The following UGT1A7 variants were observed in gnomAD, a reference collection of about 807,000 sequenced individuals.
The protein encoded by UGT1A7 is UDP glucuronosyltransferase family 1 member A7, also known as UDP-glucuronosyltransferase 1A7.
A neutral mutation model predicts 45.6 loss-of-function variants in UGT1A7; 33 were observed. That is an observed-to-expected ratio of 0.72 (90% CI 0.55 to 0.97). The LOEUF (loss-of-function observed/expected upper bound fraction) is 0.97, where lower values mean the gene tolerates loss of function less well. Ranked by LOEUF, UGT1A7 falls within the 50% of genes least tolerant of loss-of-function variation. UGT1A7 has a pLI of 0.00. For missense variants in UGT1A7, 684 were observed against 666.2 expected (o/e 1.03, Z -0.29); for synonymous variants, 274 against 250.6 (o/e 1.09, Z -0.88).
intron 1 of UGT1A7, chr2:233,713,366 T>C (rs2076312897): frequency 1.2e-6 from 2 of 1,614,198 alleles, no homozygotes; most frequent in Non-Finnish European, 1.7e-6. Flanking sequence ...TGATCATACA[T>C]AGGTCTTGTG....
At chr2:233,759,467 C>T (rs1000519909) in intron 1 of UGT1A7, among the ~76,000 whole-genome samples, 1 of 152,186 alleles carries the variant, frequency 6.6e-6, no homozygotes, top group Non-Finnish European at 1.5e-5. Flanking sequence ...CACTCAAGAT[C>T]TATCTTACAG....
In UGT1A7 at chr2:233,719,747, A is replaced by G. The variant is rs146266651; in HGVS notation, c.855+36955A>G. 35 of 1,612,826 alleles carry G rather than the reference A, an allele frequency of 2.2e-5. No homozygotes were observed. The East Asian group carries it at 7.4e-4, about 34-fold the overall frequency. ...AGGCAAAACACTTTTTAAAAAATGT[A>G]TTTACTTACAAGTGCTTCCATATCT... On this transcript the variant is annotated intron_variant, in intron 1 of 4. Transcript: ENST00000373426.
intron 1 of UGT1A7, among the ~76,000 whole-genome samples, chr2:233,747,054 T>C (rs1171712187): frequency 6.6e-6 from 1 of 151,960 alleles, no homozygotes; most frequent in Non-Finnish European, 1.5e-5. Flanking sequence ...AAGACAATGA[T>C]TGGTTAATCG....
chr2:233,743,663 T>C, intron 1 of UGT1A7: 1 of 1,366,972 alleles, frequency 7.3e-7, no homozygotes, highest in Non-Finnish European at 9.8e-7. Flanking sequence ...CTCGAAGGGG[T>C]CCTCGAAGGG....
chr2:233,748,596 G>C (rs905519077), intron 1 of UGT1A7, among the ~76,000 whole-genome samples: 5 of 151,812 alleles, frequency 3.3e-5, no homozygotes, highest in African/African-American at 1.2e-4. Flanking sequence ...CAGTTCAGTG[G>C]AAGTAGAGCA....
Position 233,772,517 on chromosome 2 carries a change from A to C in UGT1A7, c.1551A>C (p.Lys517Asn). Residue 517 changes from lysine to asparagine, a missense_variant, in exon 5 of 5, where the codon AAA (lysine) becomes AAC (asparagine). Coordinates refer to ENST00000373426, the MANE Select transcript of UGT1A7 (RefSeq NM_019077.3). Reference protein sequence around the residue: ...CAYGYRKCLGKKGRVKKAHKS... With the variant: ...CAYGYRKCLGNKGRVKKAHKS... ...ATGGCTACCGGAAATGCTTGGGGAA[A>C]AAAGGGCGAGTTAAGAAAGCCCACA... The C allele has an allele frequency of 6.2e-7, 1 of 1,614,222 alleles. No individual in the cohort carries two copies.
At chr2:233,719,030 A>G (rs1559364102) in intron 1 of UGT1A7, 1 of 1,614,246 alleles carries the variant, frequency 6.2e-7, no homozygotes, top group Non-Finnish European at 8.5e-7. Flanking sequence ...TGCACATCAA[A>G]GAAGAGAAAT....
At chr2:233,718,748 A>G in intron 1 of UGT1A7, 1 of 1,612,266 alleles carries the variant, frequency 6.2e-7, no homozygotes, top group South Asian at 1.1e-5. Context: ...TGACAAGGTA[A>G]TTAAGGCGAA....
At chr2:233,766,435 T>C (rs913964749) in intron 1 of UGT1A7, among the ~76,000 whole-genome samples, 5 of 152,184 alleles carry the variant, frequency 3.3e-5, no homozygotes, top group African/African-American at 1.2e-4. Flanking sequence ...TCCAGCTACC[T>C]GTGTGTCTGC....
chr2:233,702,050 A>G (rs1303432202), intron 1 of UGT1A7, among the ~76,000 whole-genome samples: 1 of 152,210 alleles, frequency 6.6e-6, no homozygotes, highest in Admixed American at 6.5e-5. Context: ...AAAATTAACA[A>G]TTCACTAATT....
intron 1 of UGT1A7, among the ~76,000 whole-genome samples, chr2:233,712,367 C>CT (rs998199690): frequency 1.4e-4 from 22 of 152,290 alleles, no homozygotes; most frequent in African/African-American, 4.1e-4. Flanking sequence ...CTCCCTGCAG[C>CT]TTTTTTTATA....
intron 1 of UGT1A7, among the ~76,000 whole-genome samples, chr2:233,731,855 G>T (rs1025455629): frequency 1.3e-5 from 2 of 152,138 alleles, no homozygotes; most frequent in African/African-American, 4.8e-5. Flanking sequence ...TTGAGGAATC[G>T]CCACACTGTC....
chr2:233,761,146 T>C lies in UGT1A7; in HGVS notation c.856-5888T>C, dbSNP rs1337384419. On this transcript the variant is annotated intron_variant, in intron 1 of 4. Coordinates refer to ENST00000373426, the MANE Select transcript of UGT1A7 (RefSeq NM_019077.3). ...CAACTGCCTTCACCAAAATCCACTATCCCAGGTGTGTATTGGAGTGGGACT... is the reference window on the plus strand; with the variant it reads ...CAACTGCCTTCACCAAAATCCACTACCCCAGGTGTGTATTGGAGTGGGACT... 8.1e-6 allele frequency: 13 copies of C among 1,614,114 alleles called. No individual in the cohort carries two copies. The highest frequency in any genetic ancestry group is 4.0e-5 in the African/African-American group (3 of 74,946).
At position 233,772,364 on chromosome 2, in the gene UGT1A7, G is replaced by A. The variant is rs2126066742; in HGVS notation, c.1398G>A (p.Lys466=). The A allele has an allele frequency of 6.2e-7, 1 of 1,614,266 alleles. No homozygotes were observed. Among genetic ancestry groups the A allele is most frequent in the Non-Finnish European group, 8.5e-7 (1 of 1,180,054 alleles). ...VFWVEFVMRH[K]GAPHLRPAAH... is the part of the protein sequence containing the mutation. ...GGGTGGAGTTTGTGATGAGGCACAAGGGCGCGCCACACCTGCGCCCCGCAG... is the reference window on the plus strand; with the variant it reads ...GGGTGGAGTTTGTGATGAGGCACAAAGGCGCGCCACACCTGCGCCCCGCAG... The change falls in exon 5 of 5, where the codon AAG becomes AAA. Residue 466 remains lysine, a synonymous_variant. Transcript: ENST00000373426.
intron 1 of UGT1A7, chr2:233,693,975 G>C: frequency 6.4e-7 from 1 of 1,566,020 alleles, no homozygotes; most frequent in Non-Finnish European, 8.6e-7. Context: ...CTGGAGAAAC[G>C]GTGGGGGGAA....
intron 1 of UGT1A7, among the ~76,000 whole-genome samples, chr2:233,706,125 C>T (rs2075890628): frequency 6.6e-6 from 1 of 152,166 alleles, no homozygotes; most frequent in Non-Finnish European, 1.5e-5. Flanking sequence ...AGGACACTGA[C>T]AGCAAAGTAT....
In UGT1A7 at chr2:233,682,062, A is replaced by C. The variant is rs754287322; in HGVS notation, c.125A>C (p.Gln42Pro). The C allele has an allele frequency of 6.2e-7, 1 of 1,614,126 alleles. No homozygotes were observed. Among genetic ancestry groups the C allele is most frequent in the South Asian group, 1.1e-5 (1 of 91,082 alleles). The change falls in exon 1 of 5, where the codon CAG becomes CCG. Residue 42 changes from glutamine to proline, a missense_variant. Coordinates refer to ENST00000373426, the MANE Select transcript of UGT1A7 (RefSeq NM_019077.3). ...GATGGGAGCCACTGGTTCACCATGC[A>C]GTCGGTGGTGGAGAAACTCATCCTC... ...PMDGSHWFTM[Q>P]SVVEKLILRG... is the part of the protein sequence containing the mutation.
intron 1 of UGT1A7, chr2:233,747,355 T>C: frequency 1.2e-6 from 2 of 1,603,184 alleles, no homozygotes; most frequent in East Asian, 2.2e-5. Context: ...CGGGAGGCCG[T>C]GCGGGAGCTC....
At chr2:233,735,234 CTTG>C (rs1328873988) in intron 1 of UGT1A7, among the ~76,000 whole-genome samples, 2 of 152,132 alleles carry the variant, frequency 1.3e-5, no homozygotes, top group African/African-American at 4.8e-5. Context: ...ATAGTTAGCT[CTTG>C]TTGTTGAATT....
Sources: allele counts gnomAD v4.1 joint callset (sites outside exome capture counted in the v4.1 genomes callset), GRCh38; gene constraint gnomAD v4.1.1; transcripts MANE v1.5; gene names NCBI Gene and HGNC (gene_info 2026-07-23, HGNC 2026-07-21).